ITPRID1: variants seen among roughly 807,000 people sequenced by gnomAD.
ITPRID1 encodes the protein protein ITPRID1.
Under a neutral mutation model 95.4 loss-of-function variants are expected in ITPRID1, and 96 were observed. The ratio of observed to expected loss-of-function variants is 1.01; its 90% confidence interval spans 0.85 to 1.19. The LOEUF (loss-of-function observed/expected upper bound fraction) is 1.19, where lower values mean the gene tolerates loss of function less well. Among genes scored for constraint, ITPRID1 ranks in the 50% most tolerant of loss-of-function variants. The pLI is 0.00. For missense variants in ITPRID1, 1,339 were observed against 1,252.9 expected, an observed-to-expected ratio of 1.07 and a Z score of -1.04; for synonymous variants, 510 against 453.6, an observed-to-expected ratio of 1.12 and a Z score of -1.58.
rs966265075 is a variant in ITPRID1 at position 31,554,388 on chromosome 7, G to C, written c.164-87G>C. 94 of 1,525,282 alleles carry C rather than the reference G, an allele frequency of 6.2e-5. No homozygotes were observed. In the Admixed American group the frequency reaches 1.9e-3, roughly 31 times the overall value. The allele number at this position is 1,525,282 out of a possible 1,614,324, so 94.5% of individuals were successfully genotyped here. ...CATGTGACTAAATATGTGGGAAATAGTGACTGAGTGGCGGCTGAGTAAACA... is the reference window on the plus strand; with the variant it reads ...CATGTGACTAAATATGTGGGAAATACTGACTGAGTGGCGGCTGAGTAAACA... On this transcript the variant is annotated intron_variant, in intron 3 of 14. Coordinates refer to ENST00000615280, the MANE Select transcript of ITPRID1 (RefSeq NM_001257967.3).
rs763795338 is a variant in ITPRID1 at position 31,643,149 on chromosome 7, C to A, written c.1779C>A (p.His593Gln). ...GAGCTGGCAAAGTGCAAAGCCACCA[C>A]AATGAGTCTCAAAGGTCACCTGGAA... Reference protein sequence around the residue: ...PEGAGKVQSHHNESQRSPGND... With the variant: ...PEGAGKVQSHQNESQRSPGND... Residue 593 changes from histidine to glutamine, a missense_variant, in exon 12 of 15, where the codon CAC becomes CAA. Transcript: ENST00000615280. The A allele has an allele frequency of 3.1e-6, 5 of 1,613,946 alleles. No individual in the cohort carries two copies. Among genetic ancestry groups the A allele is most frequent in the South Asian group, 2.2e-5 (2 of 91,078 alleles).
At chr7:31,615,910 C>T (rs540097940) in intron 10 of ITPRID1, among the ~76,000 whole-genome samples, 55 of 152,088 alleles carry the variant, frequency 3.6e-4, no homozygotes, top group Middle Eastern at 3.4e-3. Flanking sequence ...CCTGCCACCA[C>T]GCCTGGCTAA....
At chr7:31,604,232 C>T (rs987833117) in intron 10 of ITPRID1, among the ~76,000 whole-genome samples, 1 of 152,148 alleles carries the variant, frequency 6.6e-6, no homozygotes, top group Admixed American at 6.5e-5. Flanking sequence ...CTTAATTCAT[C>T]CTTAAAACCA....
chr7:31,614,847 A>T (rs1787055005), intron 10 of ITPRID1, among the ~76,000 whole-genome samples: 1 of 151,694 alleles, frequency 6.6e-6, no homozygotes, highest in African/African-American at 2.4e-5. Context: ...ACTGAGGAAA[A>T]CTCCTGATTC....
At chr7:31,576,585 A>G (rs1785190423) in intron 8 of ITPRID1, among the ~76,000 whole-genome samples, 1 of 152,228 alleles carries the variant, frequency 6.6e-6, no homozygotes, top group Non-Finnish European at 1.5e-5. Flanking sequence ...AAACATCCAG[A>G]ACCCCACAGT....
intron 12 of ITPRID1, among the ~76,000 whole-genome samples, chr7:31,648,459 T>C (rs1790674910): frequency 1.3e-5 from 2 of 152,200 alleles, no homozygotes; most frequent in Admixed American, 6.5e-5. Flanking sequence ...GGCTAAAATG[T>C]GTTTTTCCAT....
chr7:31,541,442 AAC>A (rs1256979978), intron 1 of ITPRID1, among the ~76,000 whole-genome samples: 1 of 152,224 alleles, frequency 6.6e-6, no homozygotes, highest in Non-Finnish European at 1.5e-5. Context: ...AAAACAAGAC[AAC>A]AATTGTTTAT....
chr7:31,616,295 T>C (rs564765709), intron 10 of ITPRID1, among the ~76,000 whole-genome samples: 1 of 152,282 alleles, frequency 6.6e-6, no homozygotes, highest in South Asian at 2.1e-4. Flanking sequence ...TTATTGTATT[T>C]ATGGTTATCC....
At chr7:31,612,448 AATGAT>A (rs1222055452) in intron 10 of ITPRID1, among the ~76,000 whole-genome samples, 4 of 152,116 alleles carry the variant, frequency 2.6e-5, no homozygotes, top group South Asian at 2.1e-4. Context: ...GGACATTTAA[AATGAT>A]ATGATAATAT....
intron 10 of ITPRID1, among the ~76,000 whole-genome samples, 157 bp downstream of exon 10, chr7:31,583,348 G>A (rs562069436): frequency 2.9e-4 from 44 of 152,244 alleles, no homozygotes; most frequent in East Asian, 1.9e-3. Context: ...CTGGCAGGCC[G>A]GGTGCGGTGG....
chr7:31,519,610 C>CTATATATATA (rs1373387362), intron 1 of ITPRID1, among the ~76,000 whole-genome samples: 3 of 51,342 alleles, frequency 5.8e-5, no homozygotes, highest in Non-Finnish European at 7.5e-5. Flanking sequence ...CTCTCTCTCT[C>CTATATATATA]TCTCTCTCTC....
chr7:31,554,658 T>C, intron 4 of ITPRID1, 135 bp downstream of exon 4: 1 of 1,157,194 alleles, frequency 8.6e-7, no homozygotes, highest in Non-Finnish European at 1.2e-6. Flanking sequence ...AGTATTATTC[T>C]ATTATTGTAA....
chr7:31,651,999 G>A lies in ITPRID1; in HGVS notation c.2772G>A (p.Leu924=), dbSNP rs769837330. Residue 924 remains leucine (L), a synonymous_variant, in exon 14 of 15, where the codon TTG becomes TTA. Transcript: ENST00000615280. The part of the protein sequence containing the change: ...REALRQQVAE[L]EFQLGDRAQQ... ...CCCTGAGGCAGCAGGTGGCAGAGTTGGAATTTCAGTTAGGAGACCGGGCTC... is the reference window on the plus strand; with the variant it reads ...CCCTGAGGCAGCAGGTGGCAGAGTTAGAATTTCAGTTAGGAGACCGGGCTC... 12 of 1,606,016 alleles carry A rather than the reference G, an allele frequency of 7.5e-6. 1 individual carries two copies. The South Asian group carries it at 1.3e-4, about 18-fold the overall frequency.
chr7:31,637,597 C>T (rs573784249), intron 10 of ITPRID1, among the ~76,000 whole-genome samples: 104 of 152,020 alleles, frequency 6.8e-4, no homozygotes, highest in East Asian at 5.2e-3. Context: ...TGTTTTTTCT[C>T]GTAAATTTGT....
rs1791196842 is a variant in ITPRID1, at chr7:31,654,468, A to T, written c.*1639A>T. Reference sequence around the variant, plus strand: ...ACTGTGGGTTTTAAGCAGGGTCGTCATATAATCTGATTTACGTTTTGAAGT... The same window carrying T: ...ACTGTGGGTTTTAAGCAGGGTCGTCTTATAATCTGATTTACGTTTTGAAGT... On this transcript the variant is annotated 3_prime_UTR_variant, in exon 15 of 15. Coordinates refer to ENST00000615280, the MANE Select transcript of ITPRID1 (RefSeq NM_001257967.3). 6.6e-6 allele frequency among the ~76,000 whole-genome samples: 1 copy of T among 152,182 alleles called. No homozygotes were observed. The highest frequency in any genetic ancestry group is 6.5e-5 in the Admixed American group (1 of 15,282).
At chr7:31,608,571 T>C (rs1216169063) in intron 10 of ITPRID1, among the ~76,000 whole-genome samples, 2 of 151,868 alleles carry the variant, frequency 1.3e-5, no homozygotes, top group African/African-American at 4.8e-5. Flanking sequence ...ATAAGTCTTG[T>C]AGTTCTTTGG....
chr7:31,582,513 A>C (rs899310257), intron 9 of ITPRID1, among the ~76,000 whole-genome samples: 1 of 152,114 alleles, frequency 6.6e-6, no homozygotes, highest in Non-Finnish European at 1.5e-5. Context: ...TGCCTCCCAA[A>C]GTGTTGAGAT....
chr7:31,527,340 G>T lies in ITPRID1; in HGVS notation c.-98+13220G>T, dbSNP rs138588113. Reference sequence around the variant, plus strand: ...TATGTCAGAGATTTCAGAGACCTTAGCCCTAGTATGCAGTATGTCAAAAAC... The same window carrying T: ...TATGTCAGAGATTTCAGAGACCTTATCCCTAGTATGCAGTATGTCAAAAAC... On this transcript the variant is annotated intron_variant, in intron 1 of 14. Transcript: ENST00000615280. Among the ~76,000 whole-genome samples, 3 of 152,262 alleles carry T rather than the reference G, an allele frequency of 2.0e-5. No individual in the cohort carries two copies. The East Asian group carries it at 5.8e-4, about 29-fold the overall frequency.
intron 1 of ITPRID1, among the ~76,000 whole-genome samples, chr7:31,527,974 G>A (rs899981413): frequency 3.3e-5 from 5 of 152,042 alleles, no homozygotes; most frequent in African/African-American, 1.2e-4. Context: ...TTGTTTCATG[G>A]ACCACTATAT....
Sources: gnomAD v4.1 joint callset for allele counts (sites outside exome capture counted in the v4.1 genomes callset) on GRCh38, gnomAD v4.1.1 for gene constraint, MANE v1.5 for transcripts, NCBI Gene and HGNC (gene_info 2026-07-23, HGNC 2026-07-21) for gene names.